The following JPH2 variants were observed in gnomAD, a reference collection of about 807,000 sequenced individuals.
JPH2 encodes junctophilin-2.
In JPH2, 38 loss-of-function variants were observed where a neutral mutation model predicts 55.9. The observed-to-expected ratio is 0.68, with a 90% CI of 0.52 to 0.89. JPH2 has a LOEUF of 0.89. Ranked by LOEUF, JPH2 falls within the 40% of genes least tolerant of loss-of-function variation. The pLI is 0.00. For synonymous variants in JPH2, 480 were observed against 472.4 expected, an observed-to-expected ratio of 1.02 and a Z score of -0.21; for missense variants, 964 against 1,037.6, an observed-to-expected ratio of 0.93 and a Z score of 0.97.
chr20:44,177,637 G>A, intron 1 of JPH2: 1 of 1,193,632 alleles, frequency 8.4e-7, no homozygotes, highest in Non-Finnish European at 1.1e-6. Flanking sequence ...AGATTTCCAA[G>A]ATGAGGTTAA....
chr20:44,185,938 A>T (rs1600482477), intron 1 of JPH2, among the ~76,000 whole-genome samples: 1 of 152,104 alleles, frequency 6.6e-6, no homozygotes. Flanking sequence ...ACTCCTCATG[A>T]TCTATTGCTT....
chr20:44,181,655 G>A (rs2072784321), intron 1 of JPH2, among the ~76,000 whole-genome samples: 1 of 152,208 alleles, frequency 6.6e-6, no homozygotes, highest in Admixed American at 6.5e-5. Context: ...TAGCTGGATG[G>A]CAAGTTTTGG....
intron 1 of JPH2, among the ~76,000 whole-genome samples, chr20:44,182,256 AAACC>A (rs2072790651): frequency 6.6e-6 from 1 of 152,136 alleles, no homozygotes; most frequent in Non-Finnish European, 1.5e-5. Flanking sequence ...GATCCTTAAC[AAACC>A]CTCAGGGGAC....
At chr20:44,162,163 C>A (rs1334008451) in intron 1 of JPH2, among the ~76,000 whole-genome samples, 1 of 152,074 alleles carries the variant, frequency 6.6e-6, no homozygotes, top group Non-Finnish European at 1.5e-5. Context: ...CTGATACATT[C>A]TCCCTAGTTA....
chr20:44,132,351 GACAGACACACACACAC>G (rs1202048778), intron 2 of JPH2, among the ~76,000 whole-genome samples: 1 of 67,430 alleles, frequency 1.5e-5, no homozygotes, highest in African/African-American at 5.6e-5. Context: ...GAGGCAGACA[GACAGACACACACACAC>G]ACACACACAC....
intron 2 of JPH2, among the ~76,000 whole-genome samples, chr20:44,124,169 T>C (rs2072259836): frequency 6.6e-6 from 1 of 152,118 alleles, no homozygotes; most frequent in African/African-American, 2.4e-5. Context: ...TCTCACCCAA[T>C]AGAGCAACTT....
At chr20:44,137,484 C>T (rs1314474875) in intron 2 of JPH2, among the ~76,000 whole-genome samples, 1 of 152,190 alleles carries the variant, frequency 6.6e-6, no homozygotes, top group East Asian at 1.9e-4. Flanking sequence ...GACACCCACT[C>T]GCACCCCACC....
chr20:44,157,861 C>T (rs62204498), intron 2 of JPH2, among the ~76,000 whole-genome samples: 16,440 of 151,106 alleles, frequency 0.11, 1,133 homozygotes, highest in Middle Eastern at 0.14. Flanking sequence ...TTGCTGCAGC[C>T]CCAGGACAGG....
chr20:44,157,741 C>T (rs889342735), intron 2 of JPH2, among the ~76,000 whole-genome samples: 2 of 152,170 alleles, frequency 1.3e-5, no homozygotes, highest in African/African-American at 2.4e-5. Flanking sequence ...CTGATCTGCC[C>T]ACATCAACGA....
At position 44,108,314 on chromosome 20, in the gene JPH2, T is replaced by G. The variant is rs1206078938; in HGVS notation, c.*5204A>C. ...GGTTCTGATTCGCATTCTTTGCTTG[T>G]AATCAATGTGACTTGAGTAGAATAG... On this transcript the variant is annotated 3_prime_UTR_variant, in exon 6 of 6. Transcript: ENST00000372980. Among the ~76,000 whole-genome samples, 1 of 152,208 alleles carries G rather than the reference T, an allele frequency of 6.6e-6. No homozygotes were observed. Among genetic ancestry groups the G allele is most frequent in the African/African-American group, 2.4e-5 (1 of 41,456 alleles).
intron 1 of JPH2, among the ~76,000 whole-genome samples, chr20:44,162,779 T>TAC (rs1569212148): frequency 8.8e-5 from 7 of 79,768 alleles, no homozygotes; most frequent in African/African-American, 2.1e-4. Flanking sequence ...TATATATATA[T>TAC]ATATATATAC....
intron 2 of JPH2, among the ~76,000 whole-genome samples, chr20:44,147,889 A>G (rs572159125): frequency 6.6e-6 from 1 of 152,300 alleles, no homozygotes; most frequent in South Asian, 2.1e-4. Flanking sequence ...AGGGCCGGGC[A>G]TGGTGGCTCA....
intron 1 of JPH2, chr20:44,177,129 C>T (rs971582732): frequency 2.5e-5 from 25 of 985,462 alleles, no homozygotes; most frequent in Middle Eastern, 5.2e-4. Flanking sequence ...GAAAGTTACA[C>T]GGGAGGGAGG....
chr20:44,132,397 C>CAG lies in JPH2; in HGVS notation c.1170-13775_1170-13774insCT, dbSNP rs1569190886. 1.8e-4 allele frequency among the ~76,000 whole-genome samples: 27 copies of CAG among 147,090 alleles called. No individual in the cohort carries two copies. The East Asian group carries it at 5.2e-3, about 28-fold the overall frequency. On this transcript the variant is annotated intron_variant, in intron 2 of 5. Coordinates refer to ENST00000372980, the MANE Select transcript of JPH2 (RefSeq NM_020433.5). ...ACACACACACACACACACACACACA[C>CAG]ACACATTTGGGCTGGTTATTTTCCT...
chr20:44,138,164 C>T (rs1016807849), intron 2 of JPH2, among the ~76,000 whole-genome samples: 33 of 151,726 alleles, frequency 2.2e-4, no homozygotes, highest in Admixed American at 7.9e-4. Flanking sequence ...CCCGCCACCA[C>T]GCCCGGCCAA....
chr20:44,141,778 G>A (rs2072458510), intron 2 of JPH2, among the ~76,000 whole-genome samples: 1 of 152,094 alleles, frequency 6.6e-6, no homozygotes, highest in Non-Finnish European at 1.5e-5. Flanking sequence ...CAAAGAGCTG[G>A]GATTACAGGC....
intron 1 of JPH2, among the ~76,000 whole-genome samples, chr20:44,162,971 C>A (rs2072626545): frequency 6.6e-6 from 1 of 151,600 alleles, no homozygotes; most frequent in Non-Finnish European, 1.5e-5. Context: ...TATGAACCCA[C>A]AAAATTTTTT....
chr20:44,156,807 T>G (rs1479051111), intron 2 of JPH2, among the ~76,000 whole-genome samples: 1 of 152,228 alleles, frequency 6.6e-6, no homozygotes. Context: ...GACATGAGTT[T>G]TGGAGGGGAT....
At position 44,177,020 on chromosome 20, in the gene JPH2, T is replaced by C. The variant is rs76023267; in HGVS notation, c.379+9307A>G. 2.5e-5 allele frequency: 25 copies of C among 985,138 alleles called. 2 individuals are homozygous for C. The East Asian group carries it at 2.7e-3, about 108-fold the overall frequency. The allele number at this position is 985,138 out of a possible 1,614,324, so 61.0% of individuals were successfully genotyped here. A position where few individuals can be genotyped will look rare whatever the true frequency, so the allele number is the denominator to read the frequency against. On this transcript the variant is annotated intron_variant, in intron 1 of 5. Coordinates refer to ENST00000372980, the MANE Select transcript of JPH2 (RefSeq NM_020433.5). ...GCTCATTCCTGGCCTGGAGCAGGGG[T>C]CACTCTGGAGTTCCTAGCACACCTG...
Sources: gnomAD v4.1 joint callset for allele counts (sites outside exome capture counted in the v4.1 genomes callset) on GRCh38, gnomAD v4.1.1 for gene constraint, MANE v1.5 for transcripts, NCBI Gene and HGNC (gene_info 2026-07-23, HGNC 2026-07-21) for gene names.